The following WWOX variants were observed in gnomAD, a reference collection of about 807,000 sequenced individuals.
WWOX encodes WW domain containing oxidoreductase.
A neutral mutation model predicts 46.2 loss-of-function variants in WWOX; 69 were observed. The observed-to-expected ratio is 1.49, with a 90% CI of 1.23 to 1.82. The LOEUF is 1.82. Ranked by LOEUF, WWOX falls within the 40% of genes most tolerant of loss-of-function variation. The pLI is 0.00. For synonymous variants in WWOX, 359 were observed against 202.6 expected, an observed-to-expected ratio of 1.77 and a Z score of -6.56; for missense variants, 919 against 542.6, an observed-to-expected ratio of 1.69 and a Z score of -6.89.
chr16:78,765,406 C>T (rs558742816), intron 8 of WWOX, among the ~76,000 whole-genome samples: 1 of 152,258 alleles, frequency 6.6e-6, no homozygotes, highest in East Asian at 1.9e-4. Context: ...GGGCCGGGCA[C>T]GGTGGCTCAT....
intron 3 of WWOX, among the ~76,000 whole-genome samples, chr16:78,112,617 T>G (rs1456492416): frequency 6.6e-6 from 1 of 152,214 alleles, no homozygotes; most frequent in Non-Finnish European, 1.5e-5. Context: ...GAAAGTTTTT[T>G]TTCCTCAACT....
chr16:78,855,484 A>T (rs1477599124), intron 8 of WWOX, among the ~76,000 whole-genome samples: 2 of 152,210 alleles, frequency 1.3e-5, no homozygotes, highest in East Asian at 3.9e-4. Context: ...ACTTTGCAGA[A>T]ACTTTGGCGA....
intron 8 of WWOX, among the ~76,000 whole-genome samples, chr16:78,814,279 C>T (rs955010921): frequency 6.6e-6 from 1 of 152,192 alleles, no homozygotes; most frequent in South Asian, 2.1e-4. Flanking sequence ...ATTTCCCCTT[C>T]CCCTCTTGTT....
chr16:78,354,692 C>A (rs1171126018), intron 5 of WWOX, among the ~76,000 whole-genome samples: 1 of 130,232 alleles, frequency 7.7e-6, no homozygotes, highest in Non-Finnish European at 1.6e-5. Context: ...TAAGAATATT[C>A]TTAAACTAGG....
Position 78,539,406 on chromosome 16 carries a change from C to T in WWOX, c.1056+106654C>T, listed in dbSNP as rs576170025. On this transcript the variant is annotated intron_variant, in intron 8 of 8. Coordinates refer to ENST00000566780, the MANE Select transcript of WWOX (RefSeq NM_016373.4). Reference sequence around the variant, plus strand: ...CATTGTTGTAGCCTTAGAAAACATACAGCATTATTTTAGGGGGAGAGGTTA... The same window carrying T: ...CATTGTTGTAGCCTTAGAAAACATATAGCATTATTTTAGGGGGAGAGGTTA... Among the ~76,000 whole-genome samples, 426 of 152,254 alleles carry T rather than the reference C, an allele frequency of 2.8e-3. 1 individual carries two copies. The highest frequency in any genetic ancestry group is 5.1e-3 in the Non-Finnish European group (344 of 68,018).
chr16:78,371,361 G>A (rs1359307362), intron 5 of WWOX, among the ~76,000 whole-genome samples: 1 of 152,154 alleles, frequency 6.6e-6, no homozygotes. Context: ...TGTGATGGCA[G>A]GAATTTGAAG....
chr16:79,103,996 C>A, intron 8 of WWOX, among the ~76,000 whole-genome samples: 1 of 122,422 alleles, frequency 8.2e-6, no homozygotes. Context: ...GTAACCAATC[C>A]TGAGCAAAGG....
intron 8 of WWOX, among the ~76,000 whole-genome samples, chr16:78,608,909 C>A (rs2548879): frequency 0.45 from 68,037 of 151,974 alleles, 17,516 homozygotes; most frequent in Admixed American, 0.59. Flanking sequence ...TCGGAAACTT[C>A]CTATATGCTC....
chr16:78,187,480 G>A (rs959965452), intron 5 of WWOX, among the ~76,000 whole-genome samples: 3 of 152,154 alleles, frequency 2.0e-5, no homozygotes, highest in South Asian at 4.1e-4. Context: ...GTGTGCACCC[G>A]TAGTCCCACC....
At chr16:78,605,066 G>T (rs2045722999) in intron 8 of WWOX, among the ~76,000 whole-genome samples, 1 of 127,014 alleles carries the variant, frequency 7.9e-6, no homozygotes, top group East Asian at 2.3e-4. Context: ...TGCTGATTTT[G>T]TTTTCTTTTT....
chr16:78,766,080 G>T (rs553338636), intron 8 of WWOX, among the ~76,000 whole-genome samples: 2 of 152,186 alleles, frequency 1.3e-5, no homozygotes, highest in Admixed American at 1.3e-4. Flanking sequence ...GGAGTGGGAC[G>T]GGGTGAATGA....
chr16:78,141,497 A>T (rs2033987007), intron 4 of WWOX, among the ~76,000 whole-genome samples: 1 of 135,370 alleles, frequency 7.4e-6, no homozygotes, highest in Non-Finnish European at 1.5e-5. Flanking sequence ...GGCCCATTCT[A>T]CAAGGGAAAA....
chr16:78,383,940 G>C (rs769747489), intron 5 of WWOX, among the ~76,000 whole-genome samples: 2 of 152,092 alleles, frequency 1.3e-5, no homozygotes, highest in African/African-American at 4.8e-5. Context: ...TCTTCTTATT[G>C]ATAGTGGCAG....
In WWOX at chr16:78,883,482, G is replaced by A. The variant is rs140867428; in HGVS notation, c.1057-328126G>A. ...CTTATGCCCGAAATCCCAGCATTGCGGGAGGCTGAGGCAAGCTGATCACTT... is the reference window on the plus strand; with the variant it reads ...CTTATGCCCGAAATCCCAGCATTGCAGGAGGCTGAGGCAAGCTGATCACTT... On this transcript the variant is annotated intron_variant, in intron 8 of 8. Transcript: ENST00000566780. 4.3e-4 allele frequency among the ~76,000 whole-genome samples: 66 copies of A among 152,236 alleles called. No homozygotes were observed. In the East Asian group the frequency reaches 0.01, roughly 24 times the overall value.
At position 78,916,991 on chromosome 16, in the gene WWOX, C is replaced by T. The variant is rs149558381; in HGVS notation, c.1057-294617C>T. The stretch of plus-strand genomic sequence containing the variant: ...TTTCATCCCTTGGTTTTATTTTTCT[C>T]AGCATTGGCACCATTTTGTGACAAG... On this transcript the variant is annotated intron_variant, in intron 8 of 8. Transcript: ENST00000566780. 3.4e-3 allele frequency among the ~76,000 whole-genome samples: 519 copies of T among 152,246 alleles called. 2 individuals carry two copies. Among genetic ancestry groups the T allele is most frequent in the African/African-American group, 0.012 (501 of 41,532 alleles).
chr16:78,170,640 T>C (rs2035126788), intron 5 of WWOX, among the ~76,000 whole-genome samples: 1 of 152,250 alleles, frequency 6.6e-6, no homozygotes, highest in African/African-American at 2.4e-5. Context: ...TGTTGATTAG[T>C]ATTTTCCAGT....
At chr16:78,538,893 C>G (rs1445941980) in intron 8 of WWOX, among the ~76,000 whole-genome samples, 1 of 152,178 alleles carries the variant, frequency 6.6e-6, no homozygotes, top group Non-Finnish European at 1.5e-5. Flanking sequence ...CATTTGAAAA[C>G]TTACCTTGTT....
rs1191048187 is a variant in WWOX at position 78,324,432 on chromosome 16, C to A, written c.517-62428C>A. 3.3e-5 allele frequency among the ~76,000 whole-genome samples: 5 copies of A among 152,138 alleles called. No homozygotes were observed. In the East Asian group the frequency reaches 9.7e-4, roughly 30 times the overall value. Reference sequence around the variant, plus strand: ...CCCATATGACCTAGCAATTCCACTCCTAGGTACGTATCAAAGAGAAATGAA... The same window carrying A: ...CCCATATGACCTAGCAATTCCACTCATAGGTACGTATCAAAGAGAAATGAA... On this transcript the variant is annotated intron_variant, in intron 5 of 8. Transcript: ENST00000566780.
chr16:78,500,660 C>T (rs113155489), intron 8 of WWOX, among the ~76,000 whole-genome samples: 4 of 152,174 alleles, frequency 2.6e-5, no homozygotes, highest in Non-Finnish European at 4.4e-5. Flanking sequence ...TGGGTATCAT[C>T]GTGGTTATTC....
Sources: allele counts gnomAD v4.1 joint callset (sites outside exome capture counted in the v4.1 genomes callset), GRCh38; gene constraint gnomAD v4.1.1; transcripts MANE v1.5; gene names NCBI Gene and HGNC (gene_info 2026-07-23, HGNC 2026-07-21).